Variants in ACVR1 observed in about 807,000 individuals in gnomAD.
ACVR1 encodes activin receptor type-1.
Under a neutral mutation model 57.1 loss-of-function variants are expected in ACVR1, and 38 were observed. The ratio of observed to expected loss-of-function variants is 0.67; its 90% CI spans 0.51 to 0.87. ACVR1 has a LOEUF of 0.87. Ranked by LOEUF, ACVR1 falls within the 40% of genes least tolerant of loss-of-function variation. ACVR1 has a pLI of 0.00. For missense variants in ACVR1, 463 were observed against 638.2 expected (o/e 0.73, Z 2.96); for synonymous variants, 212 against 228.1 (o/e 0.93, Z 0.63).
intron 1 of ACVR1, among the ~76,000 whole-genome samples, chr2:157,819,064 C>T (rs1268572221): frequency 1.1e-5 from 1 of 93,936 alleles, no homozygotes; most frequent in Non-Finnish European, 1.9e-5. Flanking sequence ...GGTGACAGAG[C>T]GAGACTCCGT....
chr2:157,774,852 G>A (rs953402726), intron 5 of ACVR1, among the ~76,000 whole-genome samples: 3 of 151,790 alleles, frequency 2.0e-5, no homozygotes, highest in Admixed American at 2.0e-4. Flanking sequence ...TGATCTCAAG[G>A]AAAGCAGTAG....
intron 2 of ACVR1, among the ~76,000 whole-genome samples, chr2:157,814,459 A>G (rs1687861940): frequency 6.6e-6 from 1 of 152,240 alleles, no homozygotes. Context: ...GCAAATAAAT[A>G]AAATAATCAC....
At chr2:157,828,942 T>C (rs1688489703) in intron 1 of ACVR1, among the ~76,000 whole-genome samples, 1 of 152,064 alleles carries the variant, frequency 6.6e-6, no homozygotes, top group African/African-American at 2.4e-5. Flanking sequence ...AATTTTTGTA[T>C]TTTTAGTAGA....
intron 9 of ACVR1, among the ~76,000 whole-genome samples, chr2:157,750,856 AC>A (rs1257288847): frequency 2.0e-5 from 3 of 152,166 alleles, no homozygotes; most frequent in Non-Finnish European, 2.9e-5. Flanking sequence ...AATTGGAAAA[AC>A]AATTCACGAT....
At chr2:157,745,681 A>C (rs928759465) in intron 9 of ACVR1, among the ~76,000 whole-genome samples, 2 of 152,194 alleles carry the variant, frequency 1.3e-5, no homozygotes, top group African/African-American at 4.8e-5. Context: ...AAACAAAAAA[A>C]CTGAAATTAA....
chr2:157,866,092 G>GA (rs1689920588), intron 1 of ACVR1, among the ~76,000 whole-genome samples: 1 of 151,846 alleles, frequency 6.6e-6, no homozygotes, highest in African/African-American at 2.4e-5. Context: ...TTATTTCTAG[G>GA]AAAAAATGTA....
chr2:157,876,279 T>A lies in ACVR1; in HGVS notation c.-666A>T, dbSNP rs1024271271. On this transcript the variant is annotated 5_prime_UTR_variant, in exon 1 of 11. Transcript: ENST00000434821. ...GAGACCGTCACAGAGAGTAGAAAAGTTCCCCCTGCGCCGAGGGGGAGGCTG... is the reference window on the plus strand; with the variant it reads ...GAGACCGTCACAGAGAGTAGAAAAGATCCCCCTGCGCCGAGGGGGAGGCTG... Among the ~76,000 whole-genome samples the A allele has an allele frequency of 7.4e-6, 1 of 135,340 alleles. No homozygotes were observed. Among genetic ancestry groups the A allele is most frequent in the African/African-American group, 2.8e-5 (1 of 35,926 alleles). The allele number at this position is 135,340 out of a possible 152,430, so 88.8% of individuals were successfully genotyped here.
chr2:157,796,048 A>G (rs1452489032), intron 3 of ACVR1, among the ~76,000 whole-genome samples: 1 of 151,564 alleles, frequency 6.6e-6, no homozygotes, highest in Non-Finnish European at 1.5e-5. Flanking sequence ...ACACAGTGAG[A>G]CCCCAGCTCT....
At chr2:157,774,921 G>T (rs574473043) in intron 5 of ACVR1, among the ~76,000 whole-genome samples, 1 of 152,134 alleles carries the variant, frequency 6.6e-6, no homozygotes, top group Admixed American at 6.5e-5. Context: ...TCAAGAACTG[G>T]GTATAATTTA....
At position 157,846,531 on chromosome 2, in the gene ACVR1, T is replaced by G. The variant is rs369949043; in HGVS notation, c.-182-27972A>C. Among the ~76,000 whole-genome samples, 102 of 152,322 alleles carry G rather than the reference T, an allele frequency of 6.7e-4. No individual in the cohort carries two copies. In the South Asian group the frequency reaches 0.021, roughly 31 times the overall value. ...CTGTTTTAACACTTCCTAACTCAGA[T>G]GCTTCAGACCTTTGCGACCTTCAGA... On this transcript the variant is annotated intron_variant, in intron 1 of 10. Transcript: ENST00000434821.
At chr2:157,871,563 A>G (rs532153498) in intron 1 of ACVR1, among the ~76,000 whole-genome samples, 126 of 152,230 alleles carry the variant, frequency 8.3e-4, no homozygotes, top group Non-Finnish European at 1.4e-3. Context: ...AAGGCCAAAT[A>G]CCCAGAGTCA....
intron 1 of ACVR1, among the ~76,000 whole-genome samples, chr2:157,821,222 A>G (rs1688148782): frequency 6.6e-6 from 1 of 152,164 alleles, no homozygotes; most frequent in Admixed American, 6.5e-5. Context: ...AGATATACAC[A>G]CTAATTAAAA....
intron 1 of ACVR1, among the ~76,000 whole-genome samples, chr2:157,871,755 G>A (rs573419950): frequency 7.2e-5 from 11 of 152,272 alleles, no homozygotes; most frequent in African/African-American, 2.4e-4. Context: ...AATAGTATTC[G>A]AATGTGTGGT....
Position 157,738,580 on chromosome 2 carries a change from A to C in ACVR1, c.1265-10T>G, listed in dbSNP as rs773193666. ...TAATCCTCCACTATACCTGCACACA[A>C]GGACAAGAATTGTGTTCGGTTAGCA... On this transcript the variant is annotated splice_polypyrimidine_tract_variant and intron_variant, in intron 9 of 10. Transcript: ENST00000434821. 1 of 1,614,024 alleles carries C rather than the reference A, an allele frequency of 6.2e-7. No individual in the cohort carries two copies. Among genetic ancestry groups the C allele is most frequent in the Non-Finnish European group, 8.5e-7 (1 of 1,179,924 alleles).
chr2:157,798,449 T>C (rs1574077930), intron 3 of ACVR1, among the ~76,000 whole-genome samples: 1 of 148,966 alleles, frequency 6.7e-6, no homozygotes, highest in Non-Finnish European at 1.5e-5. Flanking sequence ...GGTGCAAGCA[T>C]GTATTACTTC....
At chr2:157,848,370 T>C (rs899644672) in intron 1 of ACVR1, among the ~76,000 whole-genome samples, 5 of 152,154 alleles carry the variant, frequency 3.3e-5, no homozygotes, top group African/African-American at 9.7e-5. Flanking sequence ...AAATAGCCCA[T>C]GCAGAGAGAC....
intron 1 of ACVR1, among the ~76,000 whole-genome samples, chr2:157,849,117 C>G (rs1689217008): frequency 6.6e-6 from 1 of 152,176 alleles, no homozygotes; most frequent in Non-Finnish European, 1.5e-5. Flanking sequence ...AGTACTTATA[C>G]AACTAAATTA....
Position 157,774,589 on chromosome 2 carries a change from C to G in ACVR1, c.544-402G>C, listed in dbSNP as rs188835759. Reference sequence around the variant, plus strand: ...ATGTTGGTCAGGCTGGTCTCAAACTCCTGACCTCAGGTGATCTGCCTGCCT... The same window carrying G: ...ATGTTGGTCAGGCTGGTCTCAAACTGCTGACCTCAGGTGATCTGCCTGCCT... On this transcript the variant is annotated intron_variant, in intron 5 of 10. Coordinates refer to ENST00000434821, the MANE Select transcript of ACVR1 (RefSeq NM_001111067.4). 3.7e-4 allele frequency among the ~76,000 whole-genome samples: 56 copies of G among 152,318 alleles called. 2 individuals are homozygous for G. Among genetic ancestry groups the G allele is most frequent in the Admixed American group, 1.9e-3 (29 of 15,308 alleles).
chr2:157,764,203 G>A (rs1419148715), intron 8 of ACVR1, among the ~76,000 whole-genome samples: 2 of 151,388 alleles, frequency 1.3e-5, no homozygotes, highest in South Asian at 2.1e-4. Flanking sequence ...TTTTTTTTTA[G>A]ACGAAGTCTC....
Sources: gnomAD v4.1 joint callset for allele counts (sites outside exome capture counted in the v4.1 genomes callset) on GRCh38, gnomAD v4.1.1 for gene constraint, MANE v1.5 for transcripts, NCBI Gene and HGNC (gene_info 2026-07-23, HGNC 2026-07-21) for gene names.